The following THSD7A variants were observed in gnomAD, a reference collection of about 807,000 sequenced individuals.
The protein encoded by THSD7A is thrombospondin type-1 domain-containing protein 7A.
THSD7A carries 96 observed loss-of-function variants against 231.3 expected under a neutral mutation model. That is an observed-to-expected ratio of 0.41 (90% CI 0.35 to 0.49). The LOEUF is 0.49. THSD7A is among the 20% of genes least tolerant of loss of function. THSD7A has a pLI of 0.05. For synonymous variants in THSD7A, 940 were observed against 743.3 expected (o/e 1.26, Z -4.30); for missense variants, 2,290 against 2,070.2 (o/e 1.11, Z -2.06).
At chr7:11,617,205 A>C (rs1250954357) in intron 2 of THSD7A, among the ~76,000 whole-genome samples, 1 of 152,216 alleles carries the variant, frequency 6.6e-6, no homozygotes, top group Non-Finnish European at 1.5e-5. Context: ...TTATGTTCTC[A>C]ACATTCATCA....
intron 1 of THSD7A, among the ~76,000 whole-genome samples, chr7:11,724,156 T>G (rs907962058): frequency 6.6e-6 from 1 of 151,902 alleles, no homozygotes; most frequent in Non-Finnish European, 1.5e-5. Flanking sequence ...GTAAGAGAGA[T>G]CAAGAATGTC....
intron 6 of THSD7A, among the ~76,000 whole-genome samples, chr7:11,489,314 A>C (rs1352738335): frequency 6.6e-6 from 1 of 152,124 alleles, no homozygotes; most frequent in Admixed American, 6.6e-5. Context: ...CTTGAAATTC[A>C]CTTCAGCTTG....
At chr7:11,531,950 C>G (rs559507723) in intron 6 of THSD7A, among the ~76,000 whole-genome samples, 8 of 152,266 alleles carry the variant, frequency 5.3e-5, no homozygotes, top group African/African-American at 1.9e-4. Flanking sequence ...AAGGTATAGT[C>G]TATTCCACTA....
chr7:11,724,738 G>A (rs1781484644), intron 1 of THSD7A, among the ~76,000 whole-genome samples: 1 of 151,826 alleles, frequency 6.6e-6, no homozygotes, highest in Non-Finnish European at 1.5e-5. Flanking sequence ...CATTTTCTTT[G>A]AAAACCACCA....
chr7:11,588,281 T>C (rs560786544), intron 4 of THSD7A, among the ~76,000 whole-genome samples: 2 of 152,274 alleles, frequency 1.3e-5, no homozygotes, highest in South Asian at 4.1e-4. Context: ...TATTGGGAAA[T>C]GTTAAGTGCT....
rs1005989181 is a variant in THSD7A at position 11,444,750 on chromosome 7, C to CA, written c.3064+1310dup. 1.4e-4 allele frequency among the ~76,000 whole-genome samples: 20 copies of CA among 143,972 alleles called. No individual in the cohort carries two copies. Among genetic ancestry groups the CA allele is most frequent in the South Asian group, 1.1e-3 (5 of 4,564 alleles). The allele number at this position is 143,972 out of a possible 152,430, so 94.5% of individuals were successfully genotyped here. A position where few individuals can be genotyped will look rare whatever the true frequency, so the allele number is the denominator to read the frequency against. ...ATGTATCCCAGAACTTAAAGTATAA[C>CA]AAAAAAAAAGAGAGGGGGCACAGTT... On this transcript the variant is annotated intron_variant, in intron 13 of 27. Transcript: ENST00000423059. This position sits in a 1 kb window ranked among gnomAD's most constrained non-coding sequence, Gnocchi z 4.2.
At chr7:11,811,566 T>C (rs1284968374) in intron 1 of THSD7A, among the ~76,000 whole-genome samples, 1 of 152,196 alleles carries the variant, frequency 6.6e-6, no homozygotes, top group South Asian at 2.1e-4. Context: ...CCCTAAGATA[T>C]GTAGTATCTT....
chr7:11,401,322 G>A (rs1490585803), intron 23 of THSD7A, among the ~76,000 whole-genome samples: 1 of 152,142 alleles, frequency 6.6e-6, no homozygotes, highest in African/African-American at 2.4e-5. Flanking sequence ...ATGAAGGGTG[G>A]CAGGATGTTC....
intron 1 of THSD7A, among the ~76,000 whole-genome samples, chr7:11,715,425 CCT>C (rs1584252000): frequency 6.6e-6 from 1 of 151,332 alleles, no homozygotes; most frequent in African/African-American, 2.4e-5. Flanking sequence ...AATTTTAATG[CCT>C]CTCTTTCTAA....
At chr7:11,484,763 G>A (rs10486134) in intron 6 of THSD7A, among the ~76,000 whole-genome samples, 20,025 of 151,380 alleles carry the variant, frequency 0.13, 1,468 homozygotes, top group Middle Eastern at 0.19. Flanking sequence ...TCATGCATTC[G>A]AGTGCTCTAG....
chr7:11,451,327 T>C (rs1785136728), intron 11 of THSD7A, among the ~76,000 whole-genome samples: 2 of 152,012 alleles, frequency 1.3e-5, no homozygotes, highest in African/African-American at 4.8e-5. Context: ...TATTAGATAG[T>C]TTGAAAGAAT....
chr7:11,404,383 T>A (rs2115364391), intron 22 of THSD7A, among the ~76,000 whole-genome samples: 1 of 152,290 alleles, frequency 6.6e-6, no homozygotes, highest in East Asian at 1.9e-4. Context: ...AGGATGCCCG[T>A]TCTGCTCAAT....
At chr7:11,793,751 C>T (rs78996642) in intron 1 of THSD7A, among the ~76,000 whole-genome samples, 2,470 of 151,900 alleles carry the variant, frequency 0.016, 68 homozygotes, top group African/African-American at 0.056. Flanking sequence ...ATTTCAACTA[C>T]TTAAAAATTT....
chr7:11,492,471 T>G (rs150075598), intron 6 of THSD7A, among the ~76,000 whole-genome samples: 74 of 152,156 alleles, frequency 4.9e-4, no homozygotes, highest in African/African-American at 1.7e-3. Flanking sequence ...ATATTTGACT[T>G]TGGAATCTTG....
intron 1 of THSD7A, among the ~76,000 whole-genome samples, chr7:11,741,730 A>G (rs1282018315): frequency 6.6e-6 from 1 of 151,294 alleles, no homozygotes; most frequent in Admixed American, 6.6e-5. Context: ...CAATTTTTGA[A>G]TAACTATGTT....
intron 23 of THSD7A, among the ~76,000 whole-genome samples, chr7:11,393,411 A>G (rs1052994823): frequency 5.9e-5 from 9 of 152,250 alleles, no homozygotes; most frequent in Non-Finnish European, 1.3e-4. Context: ...AGGAAAAACC[A>G]GCACAAAAAG....
chr7:11,653,734 A>G (rs1394972577), intron 1 of THSD7A, among the ~76,000 whole-genome samples: 1 of 151,870 alleles, frequency 6.6e-6, no homozygotes, highest in African/African-American at 2.4e-5. Flanking sequence ...CTCTTCAACA[A>G]GCACAATAGC....
intron 1 of THSD7A, among the ~76,000 whole-genome samples, chr7:11,716,680 C>CCATT (rs1781149002): frequency 6.6e-6 from 1 of 151,476 alleles, no homozygotes. Flanking sequence ...CTTCTTATTG[C>CCATT]CATTCATCTA....
intron 1 of THSD7A, among the ~76,000 whole-genome samples, chr7:11,642,999 G>T (rs1380440109): frequency 2.6e-5 from 4 of 151,958 alleles, no homozygotes; most frequent in Non-Finnish European, 5.9e-5. Flanking sequence ...TCTATAAAAG[G>T]CCACATTATT....
Sources: allele counts gnomAD v4.1 joint callset (sites outside exome capture counted in the v4.1 genomes callset), GRCh38; gene constraint gnomAD v4.1.1; non-coding constraint Gnocchi (gnomAD v3.1); transcripts MANE v1.5; gene names NCBI Gene and HGNC (gene_info 2026-07-23, HGNC 2026-07-21).